Variants in TOX observed in about 807,000 individuals in gnomAD.
TOX encodes the protein thymocyte selection associated high mobility group box.
A neutral mutation model predicts 53.7 loss-of-function variants in TOX; 11 were observed. The ratio of observed to expected loss-of-function variants is 0.20; its 90% CI spans 0.13 to 0.34. The LOEUF is 0.34. Among genes scored for constraint, TOX ranks in the 10% least tolerant of loss-of-function variants. The pLI is 1.00. For synonymous variants in TOX, 225 were observed against 245.3 expected (o/e 0.92, Z 0.77); for missense variants, 570 against 664.6 (o/e 0.86, Z 1.56).
At chr8:59,045,980 G>A (rs1468577112) in intron 1 of TOX, among the ~76,000 whole-genome samples, 1 of 152,164 alleles carries the variant, frequency 6.6e-6, no homozygotes, top group African/African-American at 2.4e-5. Flanking sequence ...GGCTAAGTTG[G>A]TGATATTGCC....
chr8:59,035,091 C>T (rs114006069), intron 1 of TOX, among the ~76,000 whole-genome samples: 89 of 152,166 alleles, frequency 5.8e-4, no homozygotes, highest in African/African-American at 2.0e-3. Context: ...CTAACTGCAC[C>T]GCAACCACCC....
At chr8:58,914,747 G>A (rs368708010) in intron 3 of TOX, among the ~76,000 whole-genome samples, 62 of 142,078 alleles carry the variant, frequency 4.4e-4, no homozygotes, top group African/African-American at 1.5e-3. Flanking sequence ...CCCAGCGTGA[G>A]CGACGCAGAA....
chr8:59,118,528 T>C lies in TOX; in HGVS notation c.102+358A>G, dbSNP rs1014127664. Among the ~76,000 whole-genome samples, 28 of 152,082 alleles carry C rather than the reference T, an allele frequency of 1.8e-4. No individual in the cohort carries two copies. The highest frequency in any genetic ancestry group is 1.8e-3 in the Admixed American group (28 of 15,266). On this transcript the variant is annotated intron_variant, in intron 1 of 8. Coordinates refer to ENST00000361421, the MANE Select transcript of TOX (RefSeq NM_014729.3). The surrounding 1 kb of genome is among the most constrained non-coding windows in gnomAD (Gnocchi z 4.1). Reference sequence around the variant, plus strand: ...GAACTGGGAAATAAACTGAATTCTCTTACTCTGCCTCCGTTCCTGGACCCC... The same window carrying C: ...GAACTGGGAAATAAACTGAATTCTCCTACTCTGCCTCCGTTCCTGGACCCC...
chr8:59,015,131 T>A (rs188700925), intron 1 of TOX, among the ~76,000 whole-genome samples: 63 of 152,378 alleles, frequency 4.1e-4, no homozygotes, highest in Non-Finnish European at 2.9e-5. Flanking sequence ...TTACTAATTA[T>A]GGCAGAGCCC....
chr8:58,831,151 C>T (rs542443363), intron 5 of TOX, among the ~76,000 whole-genome samples: 3 of 152,236 alleles, frequency 2.0e-5, no homozygotes, highest in African/African-American at 2.4e-5. Context: ...GTCTGACCCA[C>T]GTAAATGGTC....
chr8:58,904,471 A>G lies in TOX; in HGVS notation c.411+34831T>C, dbSNP rs1370277765. 3.3e-5 allele frequency among the ~76,000 whole-genome samples: 5 copies of G among 152,116 alleles called. No homozygotes were observed. The East Asian group carries it at 9.6e-4, about 29-fold the overall frequency. ...TATTCTACCTCCACAGCCTATGGGG[A>G]TTCGAGAACCATTTCCACCTGTGGT... On this transcript the variant is annotated intron_variant, in intron 3 of 8. Transcript: ENST00000361421.
intron 1 of TOX, among the ~76,000 whole-genome samples, chr8:59,003,728 A>T (rs1813737748): frequency 1.3e-5 from 2 of 152,208 alleles, no homozygotes; most frequent in African/African-American, 4.8e-5. Flanking sequence ...ACTTTCTGGG[A>T]ATCATTTTTT....
At chr8:58,924,412 G>A (rs548271834) in intron 3 of TOX, among the ~76,000 whole-genome samples, 20 of 152,338 alleles carry the variant, frequency 1.3e-4, no homozygotes, top group African/African-American at 4.8e-4. Flanking sequence ...CTCACTCGAA[G>A]ATTCTCAAAG....
intron 2 of TOX, among the ~76,000 whole-genome samples, chr8:58,943,289 C>T (rs1812472158): frequency 6.6e-6 from 1 of 152,138 alleles, no homozygotes; most frequent in Admixed American, 6.5e-5. Flanking sequence ...GTCACAGCAG[C>T]AGTTCTGATG....
At chr8:58,968,667 ATTTC>A (rs1232121876) in intron 1 of TOX, among the ~76,000 whole-genome samples, 2 of 152,186 alleles carry the variant, frequency 1.3e-5, no homozygotes, top group African/African-American at 4.8e-5. Flanking sequence ...TATTGCTGCT[ATTTC>A]TTTTTAAGCA....
intron 1 of TOX, among the ~76,000 whole-genome samples, chr8:59,094,733 G>A (rs1200958965): frequency 6.6e-6 from 1 of 152,196 alleles, no homozygotes; most frequent in Non-Finnish European, 1.5e-5. Context: ...CAAACCCGCA[G>A]ACCGCACTGT....
intron 3 of TOX, among the ~76,000 whole-genome samples, chr8:58,858,497 G>A (rs1244125323): frequency 6.6e-6 from 1 of 152,264 alleles, no homozygotes; most frequent in Non-Finnish European, 1.5e-5. Context: ...GGTGCACAGA[G>A]CGCTGGAACA....
chr8:59,109,596 G>C (rs1804976536), intron 1 of TOX, among the ~76,000 whole-genome samples: 1 of 152,106 alleles, frequency 6.6e-6, no homozygotes, highest in African/African-American at 2.4e-5. Context: ...GCCATCAGGG[G>C]AGTGAGGTAG....
At position 59,115,500 on chromosome 8, in the gene TOX, T is replaced by C. The variant is rs555964510; in HGVS notation, c.102+3386A>G. On this transcript the variant is annotated intron_variant, in intron 1 of 8. Coordinates refer to ENST00000361421, the MANE Select transcript of TOX (RefSeq NM_014729.3). The stretch of plus-strand genomic sequence containing the variant: ...AGACTATATCACTACAGAACTCCAA[T>C]TGTAAGCTCATTTAATCCAATTTAT... 5.9e-5 allele frequency among the ~76,000 whole-genome samples: 9 copies of C among 152,334 alleles called. No individual in the cohort carries two copies. In the East Asian group the frequency reaches 9.6e-4, roughly 16 times the overall value.
At chr8:59,066,011 A>T (rs1388901216) in intron 1 of TOX, among the ~76,000 whole-genome samples, 1 of 152,238 alleles carries the variant, frequency 6.6e-6, no homozygotes, top group African/African-American at 2.4e-5. Context: ...AAGATGTCCA[A>T]ATTGGTAAAA....
intron 1 of TOX, among the ~76,000 whole-genome samples, chr8:59,049,552 A>G (rs926108420): frequency 6.6e-6 from 1 of 152,292 alleles, no homozygotes; most frequent in African/African-American, 2.4e-5. Flanking sequence ...AACATTCTTC[A>G]TTGAATAAGA....
chr8:58,852,398 T>C (rs1447016387), intron 3 of TOX, among the ~76,000 whole-genome samples: 1 of 152,190 alleles, frequency 6.6e-6, no homozygotes, highest in Admixed American at 6.5e-5. Context: ...AACCAATTAT[T>C]AATTGACTAT....
intron 1 of TOX, among the ~76,000 whole-genome samples, chr8:58,988,570 G>C (rs1813381277): frequency 1.3e-5 from 2 of 152,098 alleles, no homozygotes; most frequent in Non-Finnish European, 2.9e-5. Context: ...AATCAAGATG[G>C]GCAATTCTCA....
intron 1 of TOX, among the ~76,000 whole-genome samples, chr8:58,971,510 T>G (rs532639185): frequency 1.1e-4 from 16 of 152,352 alleles, no homozygotes; most frequent in African/African-American, 3.8e-4. Context: ...TTGTAAATTA[T>G]AAAGCACTAT....
Sources: gnomAD v4.1 joint callset for allele counts (sites outside exome capture counted in the v4.1 genomes callset) on GRCh38, gnomAD v4.1.1 for gene constraint, Gnocchi (gnomAD v3.1) non-coding constraint, MANE v1.5 for transcripts, NCBI Gene and HGNC (gene_info 2026-07-23, HGNC 2026-07-21) for gene names.